Variants in MREG observed in about 807,000 individuals in gnomAD.
MREG encodes melanoregulin.
MREG carries 31 observed loss-of-function variants against 28.5 expected under a neutral mutation model. That is an observed-to-expected ratio of 1.09 (90% CI 0.82 to 1.47). The LOEUF is 1.47. Ranked by LOEUF, MREG falls within the 40% of genes most tolerant of loss-of-function variation. MREG has a pLI of 0.00. For missense variants in MREG, 256 were observed against 257.4 expected, an observed-to-expected ratio of 0.99 and a Z score of 0.04; for synonymous variants, 106 against 95.2, an observed-to-expected ratio of 1.11 and a Z score of -0.66.
At chr2:215,974,852 A>ACT (rs749594804) in intron 2 of MREG, among the ~76,000 whole-genome samples, 27,671 of 107,014 alleles carry the variant, frequency 0.26, 3,261 homozygotes, top group Non-Finnish European at 0.35. Context: ...ACACACACAC[A>ACT]CTCTCTCTCT....
At chr2:216,016,729 A>G (rs571049872), upstream of MREG, among the ~76,000 whole-genome samples, 1 of 152,346 alleles carries the variant, frequency 6.6e-6, no homozygotes, top group Non-Finnish European at 1.5e-5. Context: ...TGTCAGCTCC[A>G]GCACTACTTG....
chr2:215,998,621 T>A (rs1693935510), intron 1 of MREG, among the ~76,000 whole-genome samples: 1 of 152,100 alleles, frequency 6.6e-6, no homozygotes, highest in South Asian at 2.1e-4. Flanking sequence ...TTTTACTGAT[T>A]AATACCACAA....
intron 2 of MREG, among the ~76,000 whole-genome samples, chr2:215,956,136 C>G (rs531216455): frequency 6.6e-6 from 1 of 152,014 alleles, no homozygotes. Context: ...ACTTTTAGGT[C>G]GAAAAAAATC....
At chr2:215,959,649 G>A (rs1003140181) in intron 2 of MREG, among the ~76,000 whole-genome samples, 1 of 152,138 alleles carries the variant, frequency 6.6e-6, no homozygotes, top group Non-Finnish European at 1.5e-5. Flanking sequence ...TCCCAAGAAG[G>A]TTACCCATGA....
At chr2:216,019,784 C>G (rs563441399) in intron 1 of MREG, among the ~76,000 whole-genome samples, 1 of 152,058 alleles carries the variant, frequency 6.6e-6, no homozygotes, top group Non-Finnish European at 1.5e-5. Flanking sequence ...GGATTACAGG[C>G]TTGAGTCACC....
chr2:216,005,057 A>G (rs4674047), intron 1 of MREG, among the ~76,000 whole-genome samples: 93,429 of 151,970 alleles, frequency 0.61, 29,769 homozygotes, highest in African/African-American at 0.76. Flanking sequence ...TATGACTGAG[A>G]GATGAATAAT....
At chr2:216,008,350 C>T (rs1367647680) in intron 1 of MREG, among the ~76,000 whole-genome samples, 2 of 152,274 alleles carry the variant, frequency 1.3e-5, no homozygotes, top group Non-Finnish European at 2.9e-5. Context: ...AATTGTTACT[C>T]TCTAATTTCT....
In MREG at chr2:215,944,720, G is replaced by A. The variant is rs998149284; in HGVS notation, c.*143C>T. 7 of 838,986 alleles carry A rather than the reference G, an allele frequency of 8.3e-6. No homozygotes were observed. The highest frequency in any genetic ancestry group is 1.7e-5 in the African/African-American group (1 of 59,314). 52.0% of individuals were successfully genotyped at this position (838,986 alleles called of 1,614,324 possible). A position where few individuals can be genotyped will look rare whatever the true frequency, so the allele number is the denominator to read the frequency against. On this transcript the variant is annotated 3_prime_UTR_variant, in exon 5 of 5. Coordinates refer to ENST00000263268, the MANE Select transcript of MREG (RefSeq NM_018000.3). ...CATGGGGCAGGGTCCTCAGATTAAA[G>A]ACTTTACATTTATGTAGAATTCAGT...
intron 2 of MREG, among the ~76,000 whole-genome samples, chr2:215,990,240 T>G (rs891206441): frequency 6.6e-6 from 1 of 152,182 alleles, no homozygotes; most frequent in African/African-American, 2.4e-5. Context: ...GGGGCCAATA[T>G]TCAACATTCT....
At chr2:215,954,734 A>T (rs1692580049) in intron 2 of MREG, among the ~76,000 whole-genome samples, 1 of 149,752 alleles carries the variant, frequency 6.7e-6, no homozygotes, top group African/African-American at 2.5e-5. Flanking sequence ...AAGGAGTTTC[A>T]CTCTTGTTGC....
intron 2 of MREG, among the ~76,000 whole-genome samples, chr2:215,965,385 A>C (rs1385867212): frequency 3.9e-5 from 6 of 152,244 alleles, no homozygotes; most frequent in African/African-American, 1.4e-4. Flanking sequence ...TGGCGACAGC[A>C]AGAACAAGGT....
At chr2:215,999,767 C>T (rs936383158) in intron 1 of MREG, among the ~76,000 whole-genome samples, 6 of 152,132 alleles carry the variant, frequency 3.9e-5, no homozygotes, top group East Asian at 1.9e-4. Context: ...GCGAAGGTGA[C>T]GCCTTCAACT....
chr2:215,962,141 G>A (rs759383327), intron 2 of MREG, among the ~76,000 whole-genome samples: 6 of 152,104 alleles, frequency 3.9e-5, no homozygotes, highest in East Asian at 1.9e-4. Flanking sequence ...TTTATTCCAC[G>A]GCTCCACTTG....
At chr2:216,011,095 CAAA>C (rs35487752) in intron 1 of MREG, among the ~76,000 whole-genome samples, 4 of 106,734 alleles carry the variant, frequency 3.7e-5, no homozygotes, top group Non-Finnish European at 4.0e-5. Context: ...GACTCCGTCT[CAAA>C]AAAAAAAAAA....
chr2:215,978,552 A>T (rs1486991471), intron 2 of MREG, among the ~76,000 whole-genome samples: 1 of 152,264 alleles, frequency 6.6e-6, no homozygotes, highest in African/African-American at 2.4e-5. Context: ...CATCATCCTG[A>T]AACCAAAACC....
exon 1 of MREG, chr2:216,032,870 T>C (rs775717484): frequency 4.0e-5 from 6 of 150,960 alleles, no homozygotes; most frequent in Non-Finnish European, 8.9e-5. Context: ...GAAATCCTTG[T>C]AAACAAGGAG....
chr2:215,953,658 A>G (rs983330680), intron 2 of MREG, among the ~76,000 whole-genome samples: 2 of 152,230 alleles, frequency 1.3e-5, no homozygotes, highest in African/African-American at 4.8e-5. Flanking sequence ...CAAAGTTGAA[A>G]GAATCACAGA....
chr2:215,955,254 A>C (rs1182208641), intron 2 of MREG, among the ~76,000 whole-genome samples: 1 of 152,260 alleles, frequency 6.6e-6, no homozygotes, highest in Non-Finnish European at 1.5e-5. Context: ...GAAATGGAAT[A>C]ATAAACATAT....
At chr2:216,029,206 G>A (rs1442201439) in intron 1 of MREG, among the ~76,000 whole-genome samples, 1 of 152,112 alleles carries the variant, frequency 6.6e-6, no homozygotes, top group Non-Finnish European at 1.5e-5. Context: ...CTGGCCAGGC[G>A]TGGTGGCTCA....
Sources: allele counts gnomAD v4.1 joint callset (sites outside exome capture counted in the v4.1 genomes callset), GRCh38; gene constraint gnomAD v4.1.1; transcripts MANE v1.5; gene names NCBI Gene and HGNC (gene_info 2026-07-23, HGNC 2026-07-21).